HID1: variants seen among roughly 807,000 people sequenced by gnomAD.
HID1 encodes the protein protein HID1.
In HID1, 42 loss-of-function variants were observed where a neutral mutation model predicts 89.7. That is an observed-to-expected ratio of 0.47 (90% CI 0.37 to 0.61). The LOEUF is 0.61. Ranked by LOEUF, HID1 falls within the 20% of genes least tolerant of loss-of-function variation. HID1 has a pLI of 0.00. For synonymous variants in HID1, 442 were observed against 433.8 expected, an observed-to-expected ratio of 1.02 and a Z score of -0.24; for missense variants, 854 against 1,039.3, an observed-to-expected ratio of 0.82 and a Z score of 2.45.
chr17:74,962,366 G>T lies in HID1; in HGVS notation c.505-26C>A. On this transcript the variant is annotated intron_variant, in intron 4 of 18. Transcript: ENST00000425042. The surrounding 1 kb of genome is among the most constrained non-coding windows in gnomAD (Gnocchi z 4.3). ...CTGGGGACAGGCCAGGAAGAAGCCG[G>T]GTTAGGGGGTCGAGAGGTGAACAGC... 1 of 1,545,314 alleles carries T rather than the reference G, an allele frequency of 6.5e-7. No homozygotes were observed. The highest frequency in any genetic ancestry group is 8.9e-7 in the Non-Finnish European group (1 of 1,122,960).
chr17:74,961,674 A>T (rs955374085), intron 6 of HID1, 199 bp downstream of exon 6: 15 of 357,604 alleles, frequency 4.2e-5, no homozygotes, highest in Non-Finnish European at 5.6e-5. Flanking sequence ...CGGATTACTG[A>T]GGGGCCCCCA....
chr17:74,951,498 T>C lies in HID1; in HGVS notation c.*72A>G. On this transcript the variant is annotated 3_prime_UTR_variant, in exon 19 of 19. Coordinates refer to ENST00000425042, the MANE Select transcript of HID1 (RefSeq NM_030630.3). The stretch of plus-strand genomic sequence containing the variant: ...GATCGTGGTAATTTAAAGCTCAGAA[T>C]GGTGGATGGGGGAAGCCTCAGGGAC... 1 of 1,417,410 alleles carries C rather than the reference T, an allele frequency of 7.1e-7. No individual in the cohort carries two copies. The highest frequency in any genetic ancestry group is 1.2e-5 in the South Asian group (1 of 82,586). 87.8% of individuals were successfully genotyped at this position (1,417,410 alleles called of 1,614,324 possible).
Position 74,972,133 on chromosome 17 carries a change from G to A in HID1, c.66+458C>T, listed in dbSNP as rs2039656804. 6.6e-6 allele frequency among the ~76,000 whole-genome samples: 1 copy of A among 152,184 alleles called. No individual in the cohort carries two copies. The highest frequency in any genetic ancestry group is 2.1e-4 in the South Asian group (1 of 4,830). On this transcript the variant is annotated intron_variant, in intron 1 of 18. Transcript: ENST00000425042. The surrounding 1 kb of genome is among the most constrained non-coding windows in gnomAD (Gnocchi z 6.4). ...CGCACACCAGCTGTTTCTCCGACCC[G>A]GGCGGACGCCAGCCAGGCTTTGTTT... is the stretch of plus-strand genomic sequence containing the variant.
chr17:74,951,976 G>A lies in HID1; in HGVS notation c.2232C>T (p.Ile744=), dbSNP rs1328587485. 3.2e-6 allele frequency: 5 copies of A among 1,563,006 alleles called. No individual in the cohort carries two copies. Among genetic ancestry groups the A allele is most frequent in the Non-Finnish European group, 4.3e-6 (5 of 1,153,790 alleles). The change falls in exon 18 of 19, where the codon ATC becomes ATT. Residue 744 remains isoleucine, a synonymous_variant. Transcript: ENST00000425042. The part of the protein sequence containing the change: ...GLLPVPHPIL[I]RKYQANSGTA... ...TGCCCGAGTTGGCCTGGTACTTGCG[G>A]ATGAGGATGGGGTGGGGCACGGGCA...
rs750588448 is a variant in HID1, at chr17:74,959,931, C to T, written c.958G>A (p.Gly320Ser). ...GTAMDDADPP[G>S]PENLFVNYLS... ...TAGTTCACAAACAGGTTCTCAGGGC[C>T]TGGAGGCTGCCAAGAGGAGAAGCCC... Residue 320 changes from glycine (G) to serine (S), a missense_variant, in exon 8 of 19, where the codon GGC becomes AGC. Transcript: ENST00000425042. The surrounding 1 kb of genome is among the most constrained non-coding windows in gnomAD (Gnocchi z 4.6). The T allele has an allele frequency of 6.2e-7, 1 of 1,613,726 alleles. No individual in the cohort carries two copies. The highest frequency in any genetic ancestry group is 1.1e-5 in the South Asian group (1 of 91,092).
chr17:74,964,229 C>T, intron 2 of HID1: 1 of 596,034 alleles, frequency 1.7e-6, no homozygotes, highest in East Asian at 2.8e-5. Context: ...CTGGCAGTAC[C>T]CACCCCACAG....
At position 74,951,998 on chromosome 17, in the gene HID1, G is replaced by A; in HGVS notation, c.2210C>T (p.Pro737Leu). ...LQHGTLVGLL[P>L]VPHPILIRKY... ...GCGGATGAGGATGGGGTGGGGCACG[G>A]GCAGCAGCCCCACCAGGGTGCCATG... is the stretch of plus-strand genomic sequence containing the variant. Residue 737 changes from proline to leucine, a missense_variant, in exon 18 of 19, where the codon CCC becomes CTC. By Grantham distance (98) the Pro-to-Leu change is moderately conservative. Coordinates refer to ENST00000425042, the MANE Select transcript of HID1 (RefSeq NM_030630.3). 6.4e-7 allele frequency: 1 copy of A among 1,561,316 alleles called. No homozygotes were observed. Among genetic ancestry groups the A allele is most frequent in the Non-Finnish European group, 8.7e-7 (1 of 1,152,528 alleles).
chr17:74,959,496 G>A lies in HID1; in HGVS notation c.1008+385C>T, dbSNP rs918296375. On this transcript the variant is annotated intron_variant, in intron 8 of 18. Transcript: ENST00000425042. This position sits in a 1 kb window ranked among gnomAD's most constrained non-coding sequence, Gnocchi z 4.6. Reference sequence around the variant, plus strand: ...ACTGAGGCCTGCCACTAGCTGGGGTGAGAAGGCAGCTAGGGTCCTGTGTTT... The same window carrying A: ...ACTGAGGCCTGCCACTAGCTGGGGTAAGAAGGCAGCTAGGGTCCTGTGTTT... Among the ~76,000 whole-genome samples, 1 of 152,136 alleles carries A rather than the reference G, an allele frequency of 6.6e-6. No individual in the cohort carries two copies. The highest frequency in any genetic ancestry group is 1.5e-5 in the Non-Finnish European group (1 of 68,010).
chr17:74,951,742 C>T lies in HID1; in HGVS notation c.2304-109G>A, dbSNP rs973443763. The T allele has an allele frequency of 7.2e-6, 10 of 1,380,130 alleles. No individual in the cohort carries two copies. In the South Asian group the frequency reaches 1.2e-4, roughly 16 times the overall value. The allele number at this position is 1,380,130 out of a possible 1,614,324, so 85.5% of individuals were successfully genotyped here. A position where few individuals can be genotyped will look rare whatever the true frequency, so the allele number is the denominator to read the frequency against. On this transcript the variant is annotated intron_variant, in intron 18 of 18. Coordinates refer to ENST00000425042, the MANE Select transcript of HID1 (RefSeq NM_030630.3). ...AAGCCAACCCTTTCCATCCCGATGT[C>T]CCACCCTGGGCAGCGGGTGCCACCG...
chr17:74,957,710 G>C (rs1345193338), intron 12 of HID1, among the ~76,000 whole-genome samples: 2 of 151,686 alleles, frequency 1.3e-5, no homozygotes, highest in African/African-American at 4.8e-5. Context: ...GACCAGCCTG[G>C]ACAACATGGC....
At chr17:74,951,725 C>T (rs376577256) in intron 18 of HID1, 92 bp from the exon 19 acceptor site, 5 of 1,424,112 alleles carry the variant, frequency 3.5e-6, no homozygotes, top group East Asian at 2.4e-5. Flanking sequence ...CCAAGCCAAC[C>T]CTTTCCATCC....
chr17:74,955,496 G>A (rs894122641), intron 13 of HID1, among the ~76,000 whole-genome samples: 10 of 63,774 alleles, frequency 1.6e-4, no homozygotes, highest in Non-Finnish European at 3.8e-4. Context: ...GTGAGACGCC[G>A]TCGGGAAAAA....
Position 74,958,526 on chromosome 17 carries a change from A to AG in HID1, c.1241-49dup. Reference sequence around the variant, plus strand: ...GGTCACTCGGGTGGGAGGGGGAAGGAGGGGCCCAGGCAGTGACCATTTTGG... The same window carrying AG: ...GGTCACTCGGGTGGGAGGGGGAAGGAGGGGGCCCAGGCAGTGACCATTTTGG... On this transcript the variant is annotated intron_variant, in intron 10 of 18. Transcript: ENST00000425042. The surrounding 1 kb of genome is among the most constrained non-coding windows in gnomAD (Gnocchi z 5.2). 6.4e-7 allele frequency: 1 copy of AG among 1,573,530 alleles called. No homozygotes were observed. The highest frequency in any genetic ancestry group is 8.6e-7 in the Non-Finnish European group (1 of 1,159,732).
At position 74,958,488 on chromosome 17, in the gene HID1, G is replaced by A. The variant is rs769537300; in HGVS notation, c.1241-10C>T. 7 of 1,586,368 alleles carry A rather than the reference G, an allele frequency of 4.4e-6. No homozygotes were observed. The African/African-American group carries it at 5.4e-5, about 12-fold the overall frequency. On this transcript the variant is annotated splice_polypyrimidine_tract_variant and intron_variant, in intron 10 of 18. Transcript: ENST00000425042. This position sits in a 1 kb window ranked among gnomAD's most constrained non-coding sequence, Gnocchi z 5.2. ...ATCAGGCCCACCCGAGCTGCGGCAG[G>A]TGGCGTGGGAGGGGTCACTCGGGTG... is the stretch of plus-strand genomic sequence containing the variant.
rs372620852 is a variant in HID1, at chr17:74,958,131, G to A, written c.1471+10C>T. 999 of 1,597,736 alleles carry A rather than the reference G, an allele frequency of 6.3e-4. 1 individual carries two copies. Among genetic ancestry groups the A allele is most frequent in the Non-Finnish European group, 7.3e-4 (860 of 1,173,130 alleles). On this transcript the variant is annotated intron_variant, in intron 12 of 18. Transcript: ENST00000425042. The surrounding 1 kb of genome is among the most constrained non-coding windows in gnomAD (Gnocchi z 5.2). ...GGTGAGCGCGGGGAGTGCAAGCTCC[G>A]GGCCCCTACCGTTGACCACGATGGT...
At chr17:74,954,067 C>T in intron 14 of HID1, 71 bp downstream of exon 14, 3 of 1,395,276 alleles carry the variant, frequency 2.2e-6, no homozygotes, top group Non-Finnish European at 3.0e-6. Flanking sequence ...ATGGGGGTGA[C>T]ACCCCGAGAC....
chr17:74,952,509 A>G (rs2039319327), intron 16 of HID1, 149 bp from the exon 17 acceptor site: 1 of 624,972 alleles, frequency 1.6e-6, no homozygotes, highest in African/African-American at 1.8e-5. Flanking sequence ...AGGACCCGGG[A>G]AGAGTTAATC....
chr17:74,971,780 A>G (rs1462311845), intron 1 of HID1, among the ~76,000 whole-genome samples: 1 of 152,202 alleles, frequency 6.6e-6, no homozygotes, highest in East Asian at 1.9e-4. Context: ...GGAGGTGGCT[A>G]TTGGGCCACT....
At chr17:74,952,928 G>T in intron 16 of HID1, 78 bp downstream of exon 16, 7 of 1,141,860 alleles carry the variant, frequency 6.1e-6, no homozygotes, top group Non-Finnish European at 8.7e-6. Flanking sequence ...GGGCCAAGGA[G>T]CCCCAACCCA....
Sources: gnomAD v4.1 joint callset for allele counts (sites outside exome capture counted in the v4.1 genomes callset) on GRCh38, gnomAD v4.1.1 for gene constraint, Gnocchi (gnomAD v3.1) non-coding constraint, MANE v1.5 for transcripts, NCBI Gene and HGNC (gene_info 2026-07-23, HGNC 2026-07-21) for gene names.